Variants in PI4KB observed in about 807,000 individuals in gnomAD.
PI4KB encodes phosphatidylinositol 4-kinase beta.
PI4KB carries 23 observed loss-of-function variants against 81.4 expected under a neutral mutation model. The ratio of observed to expected loss-of-function variants is 0.28; its 90% CI spans 0.20 to 0.40. The LOEUF (loss-of-function observed/expected upper bound fraction) is 0.40. Among genes scored for constraint, PI4KB ranks in the 10% least tolerant of loss-of-function variants. PI4KB has a pLI of 1.00. For synonymous variants in PI4KB, 381 were observed against 406.8 expected (o/e 0.94, Z 0.76); for missense variants, 651 against 1,036.6 (o/e 0.63, Z 5.11).
Position 151,316,527 on chromosome 1 carries a change from G to C in PI4KB, c.-28-18C>G. ...CTTCCAAGCTACAGGAAGAGGGAGGGAGAAAAGAACAGAAAGGGAGACACA... is the reference window on the plus strand; with the variant it reads ...CTTCCAAGCTACAGGAAGAGGGAGGCAGAAAAGAACAGAAAGGGAGACACA... On this transcript the variant is annotated intron_variant, in intron 1 of 11. Transcript: ENST00000368873. 4 of 1,500,654 alleles carry C rather than the reference G, an allele frequency of 2.7e-6. No homozygotes were observed. The highest frequency in any genetic ancestry group is 3.6e-6 in the Non-Finnish European group (4 of 1,122,230). The allele number at this position is 1,500,654 out of a possible 1,614,324, so 93.0% of individuals were successfully genotyped here.
In PI4KB at chr1:151,308,720, G is replaced by GA. The variant is rs199570978; in HGVS notation, c.955-920dup. 5.3e-3 allele frequency among the ~76,000 whole-genome samples: 802 copies of GA among 152,274 alleles called. 6 individuals carry two copies. The highest frequency in any genetic ancestry group is 0.018 in the African/African-American group (763 of 41,552). On this transcript the variant is annotated intron_variant, in intron 3 of 11. Transcript: ENST00000368873. Reference sequence around the variant, plus strand: ...AAAGAGGGACTCAGCTAGACACGAAGAAAGGCTCTCTTCCCAGTCTAAGCC... The same window carrying GA: ...AAAGAGGGACTCAGCTAGACACGAAGAAAAGGCTCTCTTCCCAGTCTAAGCC...
chr1:151,326,301 G>T, intron 1 of PI4KB: 1 of 946,286 alleles, frequency 1.1e-6, no homozygotes, highest in Non-Finnish European at 1.6e-6. Context: ...CTTCTGTCCT[G>T]AACGGCCTGA....
At position 151,296,726 on chromosome 1, in the gene PI4KB, T is replaced by C. The variant is rs587611236; in HGVS notation, c.2015+2082A>G. Among the ~76,000 whole-genome samples, 661 of 152,106 alleles carry C rather than the reference T, an allele frequency of 4.3e-3. 6 individuals are homozygous for C. The highest frequency in any genetic ancestry group is 0.014 in the Middle Eastern group (4 of 294). On this transcript the variant is annotated intron_variant, in intron 9 of 11. Coordinates refer to ENST00000368873, the MANE Select transcript of PI4KB (RefSeq NM_001369623.2). ...CTCAGGCGATTTGCCCACCTCGGCC[T>C]CCCAAAGTGCTGGGATTACAGGCGT...
At chr1:151,323,197 A>G (rs552009590) in intron 1 of PI4KB, among the ~76,000 whole-genome samples, 49 of 152,260 alleles carry the variant, frequency 3.2e-4, no homozygotes, top group Non-Finnish European at 6.5e-4. Context: ...GTTTGTAACA[A>G]TAAGTAAAGA....
At chr1:151,319,072 G>A (rs765627403) in intron 1 of PI4KB, among the ~76,000 whole-genome samples, 12 of 152,138 alleles carry the variant, frequency 7.9e-5, no homozygotes, top group Non-Finnish European at 1.6e-4. Context: ...ATCCTCAACT[G>A]CAAATTGGGA....
At chr1:151,312,625 G>C (rs1369367091) in intron 2 of PI4KB, among the ~76,000 whole-genome samples, 1 of 152,210 alleles carries the variant, frequency 6.6e-6, no homozygotes, top group Non-Finnish European at 1.5e-5. Flanking sequence ...CATGTTGAGT[G>C]AATGAATGTT....
At chr1:151,316,655 T>C (rs1381159673) in intron 1 of PI4KB, 146 bp from the exon 2 acceptor site, 1 of 530,476 alleles carries the variant, frequency 1.9e-6, no homozygotes, top group Non-Finnish European at 3.2e-6. Context: ...CAAAATCAGA[T>C]AAGAAGACAT....
At chr1:151,304,835 TTTTTTTTTC>T (rs1695617396) in intron 5 of PI4KB, among the ~76,000 whole-genome samples, 1 of 151,772 alleles carries the variant, frequency 6.6e-6, no homozygotes, top group Admixed American at 6.6e-5. Context: ...CTGGCTTTTT[TTTTTTTTTC>T]TTTTGAGACG....
chr1:151,316,331 C>A lies in PI4KB; in HGVS notation c.151G>T (p.Ala51Ser). 2 of 1,613,694 alleles carry A rather than the reference C, an allele frequency of 1.2e-6. No individual in the cohort carries two copies. The highest frequency in any genetic ancestry group is 1.1e-5 in the South Asian group (1 of 90,980). ...SVIDPEVAQKACQEVLEKVKL... is the reference protein window; with the variant it reads ...SVIDPEVAQKSCQEVLEKVKL... ...ACTTTCTCCAACACCTCCTGGCAGG[C>A]CTTCTGGGCCACCTCAGGGTCAATC... Residue 51 changes from alanine (A) to serine (S), a missense_variant, in exon 2 of 12, where the codon GCC becomes TCC. Physicochemically the swap from Ala to Ser is moderately conservative, Grantham distance 99 (BLOSUM62 1). Transcript: ENST00000368873.
chr1:151,312,816 C>T (rs1383113650), intron 2 of PI4KB, among the ~76,000 whole-genome samples: 1 of 152,180 alleles, frequency 6.6e-6, no homozygotes, highest in African/African-American at 2.4e-5. Context: ...GAGTTTGAGA[C>T]TAGCTTGGGC....
Position 151,315,891 on chromosome 1 carries a change from G to A in PI4KB, c.591C>T (p.Tyr197=), listed in dbSNP as rs1396400829. 3 of 1,614,124 alleles carry A rather than the reference G, an allele frequency of 1.9e-6. No individual in the cohort carries two copies. The highest frequency in any genetic ancestry group is 1.7e-5 in the Admixed American group (1 of 60,010). The change falls in exon 2 of 12, where the codon TAC becomes TAT. Residue 197 remains tyrosine (Y), a synonymous_variant. Transcript: ENST00000368873. ...DEDVGDAIKP[Y]IVHRCRQSIN... The stretch of plus-strand genomic sequence containing the variant: ...TGCTCTGGCGGCAACGGTGGACTAT[G>A]TAGGGCTTAATGGCATCACCCACGT...
intron 1 of PI4KB, among the ~76,000 whole-genome samples, chr1:151,323,234 G>A (rs1048698857): frequency 6.6e-6 from 1 of 152,258 alleles, no homozygotes; most frequent in African/African-American, 2.4e-5. Flanking sequence ...GCCAGGTGCA[G>A]TGGCTCATGC....
At chr1:151,297,842 A>G (rs1694938478) in intron 9 of PI4KB, among the ~76,000 whole-genome samples, 1 of 152,122 alleles carries the variant, frequency 6.6e-6, no homozygotes, top group Non-Finnish European at 1.5e-5. Flanking sequence ...CCCAGCCATT[A>G]TTAGCTAGAT....
intron 9 of PI4KB, among the ~76,000 whole-genome samples, chr1:151,294,813 C>T (rs1694655550): frequency 6.6e-6 from 1 of 152,094 alleles, no homozygotes; most frequent in African/African-American, 2.4e-5. Flanking sequence ...TCCCAATTTC[C>T]CAGAAATTGC....
chr1:151,303,465 G>C, intron 6 of PI4KB, 76 bp downstream of exon 6: 2 of 889,436 alleles, frequency 2.2e-6, no homozygotes, highest in Non-Finnish European at 3.8e-6. Context: ...GATTGAGATG[G>C]AGAGGAAGGT....
At position 151,293,494 on chromosome 1, in the gene PI4KB, G is replaced by C. The variant is rs1694500675; in HGVS notation, c.2270-461C>G. On this transcript the variant is annotated intron_variant, in intron 11 of 11. Coordinates refer to ENST00000368873, the MANE Select transcript of PI4KB (RefSeq NM_001369623.2). ...GGTAGGGGCAGGAATGGGGAGGAGG[G>C]GGAGACTGGCAGTTCAGACCTGGTA... is the stretch of plus-strand genomic sequence containing the variant. 3.7e-6 allele frequency: 4 copies of C among 1,095,136 alleles called. No homozygotes were observed. In the South Asian group the frequency reaches 6.4e-5, roughly 18 times the overall value. 67.8% of individuals were successfully genotyped at this position (1,095,136 alleles called of 1,614,324 possible).
intron 6 of PI4KB, among the ~76,000 whole-genome samples, chr1:151,302,502 A>ACC (rs1557792661): frequency 2.6e-5 from 4 of 152,012 alleles, no homozygotes; most frequent in East Asian, 3.9e-4. Context: ...TAAGATTACC[A>ACC]GGCCCTCCAT....
chr1:151,302,139 A>C (rs1695336621), intron 7 of PI4KB, 55 bp downstream of exon 7: 1 of 1,529,234 alleles, frequency 6.5e-7, no homozygotes, highest in Non-Finnish European at 9.1e-7. Flanking sequence ...TGCAGTGAGC[A>C]CTTACAACTG....
At position 151,316,070 on chromosome 1, in the gene PI4KB, G is replaced by C. The variant is rs376447621; in HGVS notation, c.412C>G (p.Leu138Val). Residue 138 changes from leucine to valine, a missense_variant, in exon 2 of 12, where the codon CTG (leucine) becomes GTG (valine). By Grantham distance (32) the Leu-to-Val change is conservative. Around this residue, in one of 5 missense-constraint regions of PI4KB, gnomAD observed 314 missense variants for 397.8 expected, o/e 0.79. Coordinates refer to ENST00000368873, the MANE Select transcript of PI4KB (RefSeq NM_001369623.2). ...GAAATGGCCATGGAGATGTCAAACAGTTTTGACTCAAACAGCCTCAGCAGC... is the reference window on the plus strand; with the variant it reads ...GAAATGGCCATGGAGATGTCAAACACTTTTGACTCAAACAGCCTCAGCAGC... ...SWLLRLFESK[L>V]FDISMAISYL... is the part of the protein sequence containing the mutation. 14 of 1,614,042 alleles carry C rather than the reference G, an allele frequency of 8.7e-6. No individual in the cohort carries two copies. The highest frequency in any genetic ancestry group is 1.7e-5 in the Admixed American group (1 of 60,008).
Sources: gnomAD v4.1 joint callset for allele counts (sites outside exome capture counted in the v4.1 genomes callset) on GRCh38, gnomAD v4.1.1 for gene constraint, gnomAD v4.1.1 regional missense constraint, MANE v1.5 for transcripts, NCBI Gene and HGNC (gene_info 2026-07-23, HGNC 2026-07-21) for gene names.